The following WDFY1 variants were observed in gnomAD, a reference collection of about 807,000 sequenced individuals.
The protein encoded by WDFY1 is WD repeat and FYVE domain-containing protein 1.
A neutral mutation model predicts 56.4 loss-of-function variants in WDFY1; 32 were observed. The observed-to-expected ratio is 0.57, with a 90% CI of 0.43 to 0.76. The LOEUF (loss-of-function observed/expected upper bound fraction) is 0.76. Among genes scored for constraint, WDFY1 ranks in the 30% least tolerant of loss-of-function variants. The probability of loss-of-function intolerance (pLI) is 0.00; values close to 1 mark genes in which losing one functional copy is unlikely to be tolerated. For synonymous variants in WDFY1, 192 were observed against 197.3 expected (o/e 0.97, Z 0.23); for missense variants, 480 against 545.7 (o/e 0.88, Z 1.20).
At chr2:223,942,778 AC>A (rs906761099) in intron 1 of WDFY1, among the ~76,000 whole-genome samples, 2 of 128,356 alleles carry the variant, frequency 1.6e-5, no homozygotes, top group African/African-American at 5.9e-5. Context: ...CTCATGATCC[AC>A]CCGCCTCGGC....
intron 6 of WDFY1, among the ~76,000 whole-genome samples, chr2:223,898,211 A>G (rs1423867191): frequency 2.6e-5 from 4 of 152,106 alleles, no homozygotes; most frequent in African/African-American, 9.7e-5. Flanking sequence ...CTCAGTCCCT[A>G]CACAGGGTAT....
At chr2:223,937,074 AG>A (rs1338483041) in intron 1 of WDFY1, among the ~76,000 whole-genome samples, 1 of 152,206 alleles carries the variant, frequency 6.6e-6, no homozygotes, top group Non-Finnish European at 1.5e-5. Flanking sequence ...CCCGATCTTG[AG>A]GATCTCAAAT....
intron 1 of WDFY1, among the ~76,000 whole-genome samples, chr2:223,923,178 C>T (rs1261016568): frequency 6.6e-6 from 1 of 152,198 alleles, no homozygotes; most frequent in Non-Finnish European, 1.5e-5. Context: ...TCAAACCAGA[C>T]CCTTCCTCTT....
At chr2:223,916,557 C>G (rs941120340) in intron 2 of WDFY1, among the ~76,000 whole-genome samples, 1 of 152,076 alleles carries the variant, frequency 6.6e-6, no homozygotes, top group Non-Finnish European at 1.5e-5. Context: ...GTATTAAAAC[C>G]CTTAACTGAA....
Position 223,895,647 on chromosome 2 carries a change from G to C in WDFY1, c.599-17C>G, listed in dbSNP as rs200578393. On this transcript the variant is annotated splice_polypyrimidine_tract_variant and intron_variant, in intron 6 of 11. Coordinates refer to ENST00000233055, the MANE Select transcript of WDFY1 (RefSeq NM_020830.5). ...CGACACTACCTAGGGATTTGTGAGA[G>C]AGAGAGAGAGAGGGAGGCAGGGGAG... The C allele has an allele frequency of 7.1e-5, 115 of 1,611,810 alleles. 1 individual carries two copies. The Admixed American group carries it at 1.4e-3, about 20-fold the overall frequency.
intron 1 of WDFY1, among the ~76,000 whole-genome samples, chr2:223,935,700 T>C (rs1574782841): frequency 6.6e-6 from 1 of 152,312 alleles, no homozygotes; most frequent in Middle Eastern, 3.4e-3. Context: ...ATAAGATGAA[T>C]AAACACAAAG....
At chr2:223,896,341 G>GA (rs1424463833) in intron 6 of WDFY1, among the ~76,000 whole-genome samples, 10 of 19,334 alleles carry the variant, frequency 5.2e-4, no homozygotes, top group Middle Eastern at 0.024. Context: ...ACCTACACAA[G>GA]ATAAAAAATC....
chr2:223,945,031 G>T, intron 1 of WDFY1, 117 bp downstream of exon 1: 1 of 1,211,872 alleles, frequency 8.3e-7, no homozygotes, highest in Non-Finnish European at 1.1e-6. Flanking sequence ...GAGTGGGGGT[G>T]GGGCCGTGCT....
At position 223,877,617 on chromosome 2, in the gene WDFY1, T is replaced by C. The variant is rs767178251; in HGVS notation, c.*1054A>G. ...TTGGGAATTATTGTGGAAGACTTGA[T>C]GGATGATTATAGCTCTGGGTCACTA... is the stretch of plus-strand genomic sequence containing the variant. On this transcript the variant is annotated 3_prime_UTR_variant, in exon 12 of 12. Transcript: ENST00000233055. 3.3e-5 allele frequency: 5 copies of C among 152,254 alleles called. No homozygotes were observed. The highest frequency in any genetic ancestry group is 1.9e-4 in the East Asian group (1 of 5,204). The allele number at this position is 152,254 out of a possible 1,614,324, so 9.4% of individuals were successfully genotyped here.
chr2:223,906,983 A>ATTATAT (rs1301046086), intron 3 of WDFY1, among the ~76,000 whole-genome samples: 1 of 149,256 alleles, frequency 6.7e-6, no homozygotes, highest in African/African-American at 2.5e-5. Context: ...TATTATTATT[A>ATTATAT]TATTATTTTG....
At chr2:223,900,958 C>T (rs529372904) in intron 5 of WDFY1, 24 of 473,660 alleles carry the variant, frequency 5.1e-5, no homozygotes, top group East Asian at 1.1e-4. Flanking sequence ...AGCAAACTTA[C>T]GGAAGTTCTC....
intron 1 of WDFY1, among the ~76,000 whole-genome samples, chr2:223,927,323 T>C (rs1454011338): frequency 6.6e-6 from 1 of 152,254 alleles, no homozygotes; most frequent in African/African-American, 2.4e-5. Context: ...TGAAAATCTA[T>C]TGTTTAATGT....
chr2:223,894,016 T>C (rs1693320374), intron 8 of WDFY1, among the ~76,000 whole-genome samples: 1 of 152,226 alleles, frequency 6.6e-6, no homozygotes, highest in Non-Finnish European at 1.5e-5. Flanking sequence ...ACGCTGATTG[T>C]ATATACTGCA....
intron 1 of WDFY1, among the ~76,000 whole-genome samples, chr2:223,933,073 A>G (rs1356794632): frequency 6.6e-6 from 1 of 152,076 alleles, no homozygotes; most frequent in Admixed American, 6.6e-5. Flanking sequence ...ACAGGGAGAG[A>G]AAATGTTAGA....
At chr2:223,879,847 G>A (rs1395075684) in intron 11 of WDFY1, among the ~76,000 whole-genome samples, 2 of 152,166 alleles carry the variant, frequency 1.3e-5, no homozygotes, top group Admixed American at 1.3e-4. Flanking sequence ...ACCCAGGCCA[G>A]CAAGGGAGAA....
intron 1 of WDFY1, among the ~76,000 whole-genome samples, chr2:223,923,110 G>A (rs560983262): frequency 8.5e-4 from 130 of 152,324 alleles, no homozygotes; most frequent in African/African-American, 3.0e-3. Context: ...AACTGGCCTG[G>A]ATGGTTGGCG....
chr2:223,911,102 T>C (rs1693690761), intron 3 of WDFY1, among the ~76,000 whole-genome samples: 1 of 152,160 alleles, frequency 6.6e-6, no homozygotes, highest in African/African-American at 2.4e-5. Flanking sequence ...CAAACAGGCA[T>C]GAACCTTGAA....
At chr2:223,895,655 G>C (rs1693354802) in intron 6 of WDFY1, 25 bp from the exon 7 acceptor site, 2 of 1,613,160 alleles carry the variant, frequency 1.2e-6, no homozygotes, top group Middle Eastern at 1.7e-4. Context: ...GAGAGAGAGA[G>C]AGAGGGAGGC....
rs1318676359 is a variant in WDFY1 at position 223,882,503 on chromosome 2, A to G, written c.934-431T>C. ...CTTGAATTGCAATCACCCCAATTCAATGTATCAATTAACACTCACAAGATA... is the reference window on the plus strand; with the variant it reads ...CTTGAATTGCAATCACCCCAATTCAGTGTATCAATTAACACTCACAAGATA... On this transcript the variant is annotated intron_variant, in intron 9 of 11. Transcript: ENST00000233055. Among the ~76,000 whole-genome samples, 3 of 152,210 alleles carry G rather than the reference A, an allele frequency of 2.0e-5. No homozygotes were observed. In the South Asian group the frequency reaches 6.2e-4, roughly 32 times the overall value.
Sources: gnomAD v4.1 joint callset for allele counts (sites outside exome capture counted in the v4.1 genomes callset) on GRCh38, gnomAD v4.1.1 for gene constraint, MANE v1.5 for transcripts, NCBI Gene and HGNC (gene_info 2026-07-23, HGNC 2026-07-21) for gene names.